Variants in PTCD3 observed in about 807,000 individuals in gnomAD.
PTCD3 encodes small ribosomal subunit protein mS39.
In PTCD3, 89 loss-of-function variants were observed where a neutral mutation model predicts 101.9. The observed-to-expected ratio is 0.87, with a 90% CI of 0.74 to 1.04. The LOEUF is 1.04. Ranked by LOEUF, PTCD3 falls within the 50% of genes least tolerant of loss-of-function variation. The pLI, the probability that PTCD3 is intolerant of heterozygous loss-of-function variation, is 0.00. For synonymous variants in PTCD3, 296 were observed against 278.5 expected, an observed-to-expected ratio of 1.06 and a Z score of -0.63; for missense variants, 870 against 828.2, an observed-to-expected ratio of 1.05 and a Z score of -0.62.
chr2:86,136,710 C>A, intron 22 of PTCD3, 148 bp downstream of exon 22: 2 of 973,818 alleles, frequency 2.1e-6, no homozygotes, highest in Non-Finnish European at 3.1e-6. Flanking sequence ...CATCCTGAGG[C>A]AAGCAGTTTT....
Position 86,133,225 on chromosome 2 carries a change from C to T in PTCD3, c.1421C>T (p.Thr474Ile), listed in dbSNP as rs993162287. The stretch of plus-strand genomic sequence containing the variant: ...TGTCTAATGGAACAAATTGATGTTA[C>T]CTTGAAGTGGTATGAGGACCTGATA... ...LICLMEQIDVTLKWYEDLIPS... is the reference protein window; with the variant it reads ...LICLMEQIDVILKWYEDLIPS... Residue 474 changes from threonine to isoleucine, a missense_variant, in exon 18 of 24, where the codon ACC (threonine) becomes ATC (isoleucine). Thr to Ile is a moderately conservative substitution (Grantham distance 89). Coordinates refer to ENST00000254630, the MANE Select transcript of PTCD3 (RefSeq NM_017952.6). 1 of 1,613,988 alleles carries T rather than the reference C, an allele frequency of 6.2e-7. No homozygotes were observed. The highest frequency in any genetic ancestry group is 1.3e-5 in the African/African-American group (1 of 74,908).
intron 8 of PTCD3, among the ~76,000 whole-genome samples, chr2:86,122,589 G>A (rs1400344590): frequency 2.0e-5 from 3 of 151,812 alleles, no homozygotes; most frequent in Non-Finnish European, 2.9e-5. Context: ...TTTTTTTTGG[G>A]GTGGGGAGGG....
chr2:86,124,021 T>C lies in PTCD3; in HGVS notation c.716+259T>C, dbSNP rs372738566. On this transcript the variant is annotated intron_variant, in intron 9 of 23. Coordinates refer to ENST00000254630, the MANE Select transcript of PTCD3 (RefSeq NM_017952.6). Reference sequence around the variant, plus strand: ...TCTGTTTAACTCAGCATAACTTTCATATGGTATGGTTCCTTTGGTAGTTTC... The same window carrying C: ...TCTGTTTAACTCAGCATAACTTTCACATGGTATGGTTCCTTTGGTAGTTTC... Among the ~76,000 whole-genome samples, 3 of 152,344 alleles carry C rather than the reference T, an allele frequency of 2.0e-5. No homozygotes were observed. In the South Asian group the frequency reaches 6.2e-4, roughly 32 times the overall value.
rs1467151649 is a variant in PTCD3, at chr2:86,140,726, T to G, written c.*3167T>G. On this transcript the variant is annotated 3_prime_UTR_variant, in exon 24 of 24. Transcript: ENST00000254630. Reference sequence around the variant, plus strand: ...TTGCTAGGACATGGGATAATCAGATTACACAAAATCTAGGCAGTGAACAAG... The same window carrying G: ...TTGCTAGGACATGGGATAATCAGATGACACAAAATCTAGGCAGTGAACAAG... 1 of 151,980 alleles carries G rather than the reference T, an allele frequency of 6.6e-6. No homozygotes were observed. Among genetic ancestry groups the G allele is most frequent in the Non-Finnish European group, 1.5e-5 (1 of 68,004 alleles). The allele number at this position is 151,980 out of a possible 1,614,324, so 9.4% of individuals were successfully genotyped here.
rs1420729194 is a variant in PTCD3, at chr2:86,134,295, G to A, written c.1547G>A (p.Ser516Asn). The change falls in exon 20 of 24, where the codon AGT becomes AAT. Residue 516 changes from serine to asparagine, a missense_variant. Coordinates refer to ENST00000254630, the MANE Select transcript of PTCD3 (RefSeq NM_017952.6). ...LEVIPKIWKDSKEYGHTFRSD... is the reference protein window; with the variant it reads ...LEVIPKIWKDNKEYGHTFRSD... ...CTTGTTCCTTTCTTGTTTCAAGATA[G>A]TAAAGAATATGGTCATACTTTCCGC... is the stretch of plus-strand genomic sequence containing the variant. 6.2e-7 allele frequency: 1 copy of A among 1,606,706 alleles called. No homozygotes were observed. The highest frequency in any genetic ancestry group is 1.1e-5 in the South Asian group (1 of 90,820).
At chr2:86,115,875 G>C (rs1011890120) in intron 4 of PTCD3, among the ~76,000 whole-genome samples, 2 of 152,150 alleles carry the variant, frequency 1.3e-5, no homozygotes, top group African/African-American at 2.4e-5. Flanking sequence ...AGGGACTCTT[G>C]GTGAAGTTGA....
intron 4 of PTCD3, among the ~76,000 whole-genome samples, chr2:86,113,802 C>T (rs190342067): frequency 1.3e-5 from 2 of 152,044 alleles, no homozygotes; most frequent in South Asian, 2.1e-4. Flanking sequence ...CCCTGTCCCC[C>T]CCGCCACACA....
intron 3 of PTCD3, 95 bp from the exon 4 acceptor site, chr2:86,111,018 A>C (rs745490572): frequency 3.6e-6 from 4 of 1,105,986 alleles, no homozygotes; most frequent in Non-Finnish European, 5.6e-6. Context: ...GATCTGCACT[A>C]TGTTATTGGC....
chr2:86,127,141 C>A lies in PTCD3; in HGVS notation c.952-20C>A, dbSNP rs761182921. 1 of 1,593,352 alleles carries A rather than the reference C, an allele frequency of 6.3e-7. No homozygotes were observed. Among genetic ancestry groups the A allele is most frequent in the Non-Finnish European group, 8.5e-7 (1 of 1,170,306 alleles). ...GATTACCCAGGCATGAAAGATACTT[C>A]TTGTTTTTTATTCACCTAGGAGCTG... On this transcript the variant is annotated intron_variant, in intron 12 of 23. Transcript: ENST00000254630.
Position 86,119,172 on chromosome 2 carries a change from C to G in PTCD3, c.538+128C>G, listed in dbSNP as rs78769153. ...CTTACTCTGCTTTGATGGCTGCGTG[C>G]TTTATATTTTTAGTAGTTTATTTCA... On this transcript the variant is annotated intron_variant, in intron 7 of 23. Transcript: ENST00000254630. The G allele has an allele frequency of 1.4e-3, 1,784 of 1,233,768 alleles. 16 individuals carry two copies. In the African/African-American group the frequency reaches 0.022, roughly 15 times the overall value. The allele number at this position is 1,233,768 out of a possible 1,614,324, so 76.4% of individuals were successfully genotyped here. A position where few individuals can be genotyped will look rare whatever the true frequency, so the allele number is the denominator to read the frequency against.
intron 7 of PTCD3, 83 bp from the exon 8 acceptor site, chr2:86,121,395 TA>T (rs1320866336): frequency 2.5e-5 from 21 of 832,676 alleles, no homozygotes; most frequent in Admixed American, 7.5e-5. Context: ...ACCGCTAATA[TA>T]AAAAAATGAC....
intron 14 of PTCD3, among the ~76,000 whole-genome samples, chr2:86,128,395 A>AACC (rs1674437623): frequency 6.6e-6 from 1 of 152,162 alleles, no homozygotes; most frequent in Non-Finnish European, 1.5e-5. Context: ...TGTTGTACAA[A>AACC]CAGGAATTGG....
intron 15 of PTCD3, 34 bp downstream of exon 15, chr2:86,130,771 T>A: frequency 6.2e-7 from 1 of 1,609,468 alleles, no homozygotes; most frequent in East Asian, 2.2e-5. Context: ...TTTCCTCCTC[T>A]AAAGACAGAG....
intron 1 of PTCD3, chr2:86,107,285 A>G: frequency 2.1e-6 from 1 of 467,202 alleles, no homozygotes; most frequent in Admixed American, 2.4e-5. Context: ...AATAACTGTG[A>G]TCTCTGTTTT....
At chr2:86,113,166 T>C (rs1056121691) in intron 4 of PTCD3, among the ~76,000 whole-genome samples, 1 of 152,228 alleles carries the variant, frequency 6.6e-6, no homozygotes. Flanking sequence ...AGATTTAGGA[T>C]AGAGTCTGGG....
chr2:86,137,190 A>T, intron 23 of PTCD3, 50 bp downstream of exon 23: 1 of 1,504,792 alleles, frequency 6.6e-7, no homozygotes, highest in Non-Finnish European at 8.9e-7. Flanking sequence ...CCTTTCATCC[A>T]TCTGCCCATT....
intron 4 of PTCD3, among the ~76,000 whole-genome samples, chr2:86,114,069 T>G (rs1024626028): frequency 6.6e-6 from 1 of 152,036 alleles, no homozygotes; most frequent in East Asian, 1.9e-4. Flanking sequence ...GTTATAGAAT[T>G]GTGTGTAGAA....
At chr2:86,135,588 A>T (rs1674569888) in intron 21 of PTCD3, among the ~76,000 whole-genome samples, 1 of 152,194 alleles carries the variant, frequency 6.6e-6, no homozygotes, top group African/African-American at 2.4e-5. Context: ...GATCTTTTGT[A>T]GGGGTAGTGA....
At chr2:86,127,405 A>G in intron 13 of PTCD3, 100 bp downstream of exon 13, 1 of 1,364,196 alleles carries the variant, frequency 7.3e-7, no homozygotes, top group East Asian at 2.3e-5. Context: ...TTGTGCTTAC[A>G]TAATATGTTG....
Sources: allele counts gnomAD v4.1 joint callset (sites outside exome capture counted in the v4.1 genomes callset), GRCh38; gene constraint gnomAD v4.1.1; transcripts MANE v1.5; gene names NCBI Gene and HGNC (gene_info 2026-07-23, HGNC 2026-07-21).